Variants in KIF9 observed in about 807,000 individuals in gnomAD.
The protein encoded by KIF9 is kinesin-like protein KIF9.
In KIF9, 68 loss-of-function variants were observed where a neutral mutation model predicts 94.8. That is an observed-to-expected ratio of 0.72 (90% CI 0.59 to 0.88). KIF9 has a LOEUF of 0.88. Among genes scored for constraint, KIF9 ranks in the 40% least tolerant of loss-of-function variants. The pLI is 0.00. For missense variants in KIF9, 882 were observed against 982.5 expected, an observed-to-expected ratio of 0.90 and a Z score of 1.37; for synonymous variants, 343 against 362.1, an observed-to-expected ratio of 0.95 and a Z score of 0.60.
At chr3:47,274,151 G>T (rs1432671474) in intron 3 of KIF9, among the ~76,000 whole-genome samples, 3 of 152,216 alleles carry the variant, frequency 2.0e-5, no homozygotes, top group African/African-American at 7.2e-5. Flanking sequence ...TCTGTCAAGG[G>T]TGAGAATTCT....
chr3:47,263,115 T>C (rs982721841), intron 9 of KIF9, among the ~76,000 whole-genome samples: 2 of 152,194 alleles, frequency 1.3e-5, no homozygotes, highest in Non-Finnish European at 2.9e-5. Flanking sequence ...CAGGCTGGTC[T>C]TGAACTCCTG....
intron 9 of KIF9, among the ~76,000 whole-genome samples, chr3:47,261,891 A>T (rs1700997542): frequency 6.6e-6 from 1 of 152,212 alleles, no homozygotes; most frequent in Non-Finnish European, 1.5e-5. Flanking sequence ...CCCTGTGGTT[A>T]CTCAGCACAC....
chr3:47,240,793 A>G lies in KIF9; in HGVS notation c.1924+8T>C. The G allele has an allele frequency of 2.5e-6, 4 of 1,611,636 alleles. No homozygotes were observed. Among genetic ancestry groups the G allele is most frequent in the Non-Finnish European group, 2.5e-6 (3 of 1,177,976 alleles). ...AAAGCTCCCTAGCCCTCTTTCCAACACATTTACCTTGCTTCTCCCGTAGTG... is the reference window on the plus strand; with the variant it reads ...AAAGCTCCCTAGCCCTCTTTCCAACGCATTTACCTTGCTTCTCCCGTAGTG... On this transcript the variant is annotated splice_region_variant and intron_variant, in intron 17 of 20. Transcript: ENST00000684063.
chr3:47,262,266 GT>G (rs935324740), intron 9 of KIF9, among the ~76,000 whole-genome samples: 17 of 148,250 alleles, frequency 1.1e-4, no homozygotes, highest in African/African-American at 3.1e-4. Flanking sequence ...ACCATGCGGG[GT>G]TTTTTTGTTT....
At chr3:47,272,489 C>T (rs1316215753) in intron 4 of KIF9, among the ~76,000 whole-genome samples, 1 of 152,092 alleles carries the variant, frequency 6.6e-6, no homozygotes, top group African/African-American at 2.4e-5. Context: ...TTTATGAAAT[C>T]TAAATACAGA....
chr3:47,246,486 A>C (rs1009813157), intron 12 of KIF9: 27 of 315,848 alleles, frequency 8.5e-5, no homozygotes, highest in Non-Finnish European at 1.5e-4. Context: ...TATAAAAACC[A>C]CCTTTTCGAA....
At chr3:47,245,160 C>G in intron 14 of KIF9, 1 of 608,270 alleles carries the variant, frequency 1.6e-6, no homozygotes, top group South Asian at 2.1e-5. Context: ...ATTCCATACT[C>G]TGGGGATCTT....
chr3:47,241,884 ATTTTT>A (rs199875749), intron 16 of KIF9, among the ~76,000 whole-genome samples: 32,761 of 113,742 alleles, frequency 0.29, 3,441 homozygotes, highest in Middle Eastern at 0.44. Flanking sequence ...ATATATATAT[ATTTTT>A]TTTTTTTTTT....
At position 47,236,230 on chromosome 3, in the gene KIF9, T is replaced by C. The variant is rs958429162; in HGVS notation, c.2102-81A>G. The C allele has an allele frequency of 8.3e-5, 95 of 1,149,504 alleles. 1 individual carries two copies. The East Asian group carries it at 2.2e-3, about 27-fold the overall frequency. 71.2% of individuals were successfully genotyped at this position (1,149,504 alleles called of 1,614,324 possible). On this transcript the variant is annotated intron_variant, in intron 18 of 20. Transcript: ENST00000684063. ...CATCTGTCTTATATCTGTTGCAGGCTCACCATCTGTTCACTTCCTGCTCCA... is the reference window on the plus strand; with the variant it reads ...CATCTGTCTTATATCTGTTGCAGGCCCACCATCTGTTCACTTCCTGCTCCA...
In KIF9 at chr3:47,271,246, G is replaced by T; in HGVS notation, c.582C>A (p.Leu194=). The T allele has an allele frequency of 1.2e-6, 2 of 1,612,064 alleles. No individual in the cohort carries two copies. Among genetic ancestry groups the T allele is most frequent in the Non-Finnish European group, 1.7e-6 (2 of 1,178,520 alleles). ...LTSQEEDAFS[L]LFEGETNRII... is the part of the protein sequence containing the mutation. ...GGTTTTATTATCTCACCTCAAAAAGGAGGCTGAATGCATCCTCCTCCTGAC... is the reference window on the plus strand; with the variant it reads ...GGTTTTATTATCTCACCTCAAAAAGTAGGCTGAATGCATCCTCCTCCTGAC... The change falls in exon 5 of 21, where the codon CTC becomes CTA. Residue 194 remains leucine (L), a synonymous_variant. Coordinates refer to ENST00000684063, the MANE Select transcript of KIF9 (RefSeq NM_182902.4).
Position 47,257,498 on chromosome 3 carries a change from T to C in KIF9, c.1044A>G (p.Glu348=). Reference sequence around the variant, plus strand: ...CCTGCTGTACCTCAGCATCATACTTTTCATTGATGGCAGGCTCAGTGGTGA... The same window carrying C: ...CCTGCTGTACCTCAGCATCATACTTCTCATTGATGGCAGGCTCAGTGGTGA... ...KLVTTEPAIN[E]KYDAERMVKN... is the part of the protein sequence containing the mutation. The change falls in exon 10 of 21, where the codon GAA becomes GAG. Residue 348 remains glutamate (E), a synonymous_variant. Transcript: ENST00000684063. 6.2e-7 allele frequency: 1 copy of C among 1,614,054 alleles called. No individual in the cohort carries two copies. Among genetic ancestry groups the C allele is most frequent in the Non-Finnish European group, 8.5e-7 (1 of 1,179,976 alleles).
At chr3:47,244,260 C>G (rs968521285) in intron 15 of KIF9, 2 of 152,952 alleles carry the variant, frequency 1.3e-5, no homozygotes, top group Admixed American at 6.5e-5. Flanking sequence ...TGTGCTCTTA[C>G]CCACCACTAC....
chr3:47,236,563 G>T lies in KIF9; in HGVS notation c.1981C>A (p.Leu661Ile). 1 of 1,614,090 alleles carries T rather than the reference G, an allele frequency of 6.2e-7. No homozygotes were observed. The highest frequency in any genetic ancestry group is 2.2e-5 in the East Asian group (1 of 44,886). The stretch of plus-strand genomic sequence containing the variant: ...TGCTTCTTGAGGTCTTTGAGCTTGA[G>T]GATCAGCAGGAATTCTTCCTCATCG... The part of the protein sequence containing the change: ...IIDEEEFLLI[L>I]KLKDLKKQYR... The change falls in exon 18 of 21, where the codon CTC becomes ATC. Residue 661 changes from leucine (L) to isoleucine (I), a missense_variant. Transcript: ENST00000684063.
chr3:47,240,966 C>T lies in KIF9; in HGVS notation c.1759G>A (p.Glu587Lys). 1 of 1,614,156 alleles carries T rather than the reference C, an allele frequency of 6.2e-7. No individual in the cohort carries two copies. Among genetic ancestry groups the T allele is most frequent in the Non-Finnish European group, 8.5e-7 (1 of 1,180,016 alleles). The change falls in exon 17 of 21, where the codon GAG becomes AAG. Residue 587 changes from glutamate to lysine, a missense_variant. Physicochemically the swap from Glu to Lys is moderately conservative, Grantham distance 56. Coordinates refer to ENST00000684063, the MANE Select transcript of KIF9 (RefSeq NM_182902.4). ...KPVAFEEFKN[E>K]QGSEINRIFK... ...ATTCGGTTGATCTCACTACCTTGCT[C>T]ATTCTTAAACTCCTCAAAGGCCACT...
Position 47,228,515 on chromosome 3 carries a change from C to A in KIF9, c.*137G>T. 1.3e-6 allele frequency: 1 copy of A among 746,354 alleles called. No homozygotes were observed. Among genetic ancestry groups the A allele is most frequent in the Non-Finnish European group, 2.4e-6 (1 of 423,196 alleles). The allele number at this position is 746,354 out of a possible 1,614,324, so 46.2% of individuals were successfully genotyped here. ...CTTGGAGGATGCTCCTCCCAACATG[C>A]AGGCCAAATGTGTTCTCTGTGCTGG... On this transcript the variant is annotated 3_prime_UTR_variant, in exon 21 of 21. Coordinates refer to ENST00000684063, the MANE Select transcript of KIF9 (RefSeq NM_182902.4).
intron 10 of KIF9, among the ~76,000 whole-genome samples, chr3:47,255,691 C>T (rs1700528739): frequency 2.0e-5 from 3 of 151,952 alleles, no homozygotes; most frequent in Admixed American, 1.3e-4. Context: ...TGCCCTTTTT[C>T]TTTTCTTTCT....
rs560131250 is a variant in KIF9, at chr3:47,275,270, G to T, written c.259+55C>A. ...TTATTTTATTCACCATAAAATATTTGCATCTCTTACTCCTCAGGTTCTTAC... is the reference window on the plus strand; with the variant it reads ...TTATTTTATTCACCATAAAATATTTTCATCTCTTACTCCTCAGGTTCTTAC... On this transcript the variant is annotated intron_variant, in intron 3 of 20. Transcript: ENST00000684063. 4.6e-5 allele frequency: 57 copies of T among 1,244,314 alleles called. No homozygotes were observed. In the Admixed American group the frequency reaches 7.2e-4, roughly 16 times the overall value. The allele number at this position is 1,244,314 out of a possible 1,614,324, so 77.1% of individuals were successfully genotyped here.
At chr3:47,233,048 T>C (rs988287387) in intron 20 of KIF9, among the ~76,000 whole-genome samples, 14 of 150,256 alleles carry the variant, frequency 9.3e-5, no homozygotes, top group African/African-American at 3.2e-4. Flanking sequence ...AAGAAATAGT[T>C]GTAAATCATA....
At chr3:47,243,415 C>T (rs1301730869) in intron 15 of KIF9, 170 bp from the exon 16 acceptor site, 2 of 470,842 alleles carry the variant, frequency 4.2e-6, no homozygotes, top group Admixed American at 3.6e-5. Context: ...CTAAGCCAGG[C>T]AGATGTGGAG....
Sources: gnomAD v4.1 joint callset for allele counts (sites outside exome capture counted in the v4.1 genomes callset) on GRCh38, gnomAD v4.1.1 for gene constraint, MANE v1.5 for transcripts, NCBI Gene and HGNC (gene_info 2026-07-23, HGNC 2026-07-21) for gene names.